SCAPER: variants seen among roughly 807,000 people sequenced by gnomAD.
SCAPER encodes the protein S-phase cyclin A associated protein in the ER.
Under a neutral mutation model 182.2 loss-of-function variants are expected in SCAPER, and 98 were observed. The ratio of observed to expected loss-of-function variants is 0.54; its 90% CI spans 0.46 to 0.64. The LOEUF (loss-of-function observed/expected upper bound fraction) is 0.64, where lower values mean the gene tolerates loss of function less well. Ranked by LOEUF, SCAPER falls within the 30% of genes least tolerant of loss-of-function variation. The pLI is 0.00. For synonymous variants in SCAPER, 605 were observed against 564.6 expected (o/e 1.07, Z -1.01); for missense variants, 1,432 against 1,690.0 (o/e 0.85, Z 2.68).
intron 11 of SCAPER, among the ~76,000 whole-genome samples, chr15:76,766,566 A>G: frequency 6.6e-6 from 1 of 151,708 alleles, no homozygotes; most frequent in Non-Finnish European, 1.5e-5. Context: ...TCGAACTCCT[A>G]TCCTTGACCA....
At chr15:76,501,536 A>T (rs2041119838) in intron 24 of SCAPER, among the ~76,000 whole-genome samples, 1 of 152,248 alleles carries the variant, frequency 6.6e-6, no homozygotes, top group South Asian at 2.1e-4. Context: ...AAGCAGTGAC[A>T]CGTAAGGTTT....
In SCAPER at chr15:76,471,218, C is replaced by T. The variant is rs762002278; in HGVS notation, c.3072G>A (p.Gln1024=). Residue 1024 remains glutamine (Q), a synonymous_variant, in exon 25 of 32, where the codon CAG becomes CAA. Transcript: ENST00000563290. ...AAGCAATAATATTACATACCGTCAA[C>T]TGGTGTATCAGGAGGTCCATTAAGA... ...ITFLMDLLIH[Q]LTVYVPDENN... is the part of the protein sequence containing the mutation. 3.5e-5 allele frequency: 56 copies of T among 1,604,900 alleles called. No individual in the cohort carries two copies. In the South Asian group the frequency reaches 5.6e-4, roughly 16 times the overall value.
At chr15:76,785,329 T>TGGCC (rs2064502542) in intron 8 of SCAPER, among the ~76,000 whole-genome samples, 6 of 152,126 alleles carry the variant, frequency 3.9e-5, no homozygotes, top group Non-Finnish European at 8.8e-5. Flanking sequence ...CCACATAAGA[T>TGGCC]ACCGTCTCAC....
chr15:76,581,635 G>A (rs2048282357), intron 22 of SCAPER, among the ~76,000 whole-genome samples: 1 of 152,210 alleles, frequency 6.6e-6, no homozygotes, highest in South Asian at 2.1e-4. Context: ...TGCCCAGGCT[G>A]GAGTGCAGTG....
intron 25 of SCAPER, among the ~76,000 whole-genome samples, chr15:76,453,467 T>A (rs2048514669): frequency 6.6e-6 from 1 of 152,238 alleles, no homozygotes; most frequent in Non-Finnish European, 1.5e-5. Context: ...TACAGGTTAT[T>A]TTGAGGTATG....
intron 4 of SCAPER, among the ~76,000 whole-genome samples, chr15:76,848,916 G>T (rs1247383394): frequency 1.3e-5 from 2 of 152,044 alleles, no homozygotes; most frequent in African/African-American, 2.4e-5. Context: ...CCCAGCCATG[G>T]CTGAGCATAC....
intron 23 of SCAPER, among the ~76,000 whole-genome samples, chr15:76,513,387 A>G (rs769210887): frequency 2.0e-5 from 3 of 152,188 alleles, no homozygotes; most frequent in Non-Finnish European, 4.4e-5. Context: ...CAATCCTGTG[A>G]TATTAGAGAT....
intron 20 of SCAPER, among the ~76,000 whole-genome samples, chr15:76,681,278 T>G (rs1336344957): frequency 2.0e-5 from 3 of 152,178 alleles, no homozygotes; most frequent in African/African-American, 7.2e-5. Context: ...TAAGAAACAT[T>G]GTAAAATAAA....
intron 22 of SCAPER, among the ~76,000 whole-genome samples, chr15:76,610,576 C>T (rs1235646058): frequency 6.6e-6 from 1 of 152,106 alleles, no homozygotes; most frequent in Admixed American, 6.5e-5. Context: ...TATACAAATT[C>T]AGTAAAGTTG....
rs934162077 is a variant in SCAPER at position 76,768,525 on chromosome 15, T to G, written c.1249-1437A>C. Among the ~76,000 whole-genome samples the G allele has an allele frequency of 3.0e-4, 46 of 152,224 alleles. 1 individual carries two copies. The highest frequency in any genetic ancestry group is 4.7e-4 in the Non-Finnish European group (32 of 67,996). ...AGAGAAAGCAGTGCAGTGGCAGGTGTGGGAGGAGTGAAAGGGAGTAACTGC... is the reference window on the plus strand; with the variant it reads ...AGAGAAAGCAGTGCAGTGGCAGGTGGGGGAGGAGTGAAAGGGAGTAACTGC... On this transcript the variant is annotated intron_variant, in intron 10 of 31. Coordinates refer to ENST00000563290, the MANE Select transcript of SCAPER (RefSeq NM_020843.4).
At chr15:76,759,026 T>C (rs940328288) in intron 14 of SCAPER, among the ~76,000 whole-genome samples, 3 of 152,162 alleles carry the variant, frequency 2.0e-5, no homozygotes, top group African/African-American at 7.2e-5. Context: ...TATCTACAAA[T>C]AGATAATTTT....
chr15:76,719,400 G>A (rs1458454514), intron 17 of SCAPER, among the ~76,000 whole-genome samples: 1 of 152,062 alleles, frequency 6.6e-6, no homozygotes. Flanking sequence ...AGAGGGAGAG[G>A]GCAGAAAAGA....
intron 16 of SCAPER, 31 bp downstream of exon 16, chr15:76,733,198 A>G: frequency 6.5e-7 from 1 of 1,547,968 alleles, no homozygotes; most frequent in Non-Finnish European, 8.7e-7. Context: ...ACAGGTGCTC[A>G]AGCAATGTTT....
chr15:76,474,890 A>T (rs903586218), intron 24 of SCAPER, among the ~76,000 whole-genome samples: 29 of 152,178 alleles, frequency 1.9e-4, no homozygotes, highest in African/African-American at 7.0e-4. Flanking sequence ...GGGAGCCAGA[A>T]GGAGACTCAT....
rs1192321602 is a variant in SCAPER, at chr15:76,597,593, CA to C, written c.2712-23310del. Among the ~76,000 whole-genome samples the C allele has an allele frequency of 1.4e-4, 17 of 120,896 alleles. 4 individuals carry two copies. In the South Asian group the frequency reaches 3.6e-3, roughly 26 times the overall value. The allele number at this position is 120,896 out of a possible 152,430, so 79.3% of individuals were successfully genotyped here. A position where few individuals can be genotyped will look rare whatever the true frequency, so the allele number is the denominator to read the frequency against. ...AACCAAAACAGCATGGTACTAGTAC[CA>C]AAACAGATATATAGACCAACAGAAC... On this transcript the variant is annotated intron_variant, in intron 22 of 31. Coordinates refer to ENST00000563290, the MANE Select transcript of SCAPER (RefSeq NM_020843.4).
chr15:76,545,247 T>A (rs1482167730), intron 23 of SCAPER, among the ~76,000 whole-genome samples: 1 of 152,186 alleles, frequency 6.6e-6, no homozygotes, highest in Non-Finnish European at 1.5e-5. Context: ...TTTAGGGTAG[T>A]TCTTGTGTTC....
At chr15:76,405,812 G>A (rs2044786373) in intron 26 of SCAPER, among the ~76,000 whole-genome samples, 1 of 152,126 alleles carries the variant, frequency 6.6e-6, no homozygotes, top group Non-Finnish European at 1.5e-5. Context: ...ATACACAAAG[G>A]AATTGAGGTT....
At chr15:76,482,167 T>C (rs11072599) in intron 24 of SCAPER, among the ~76,000 whole-genome samples, 64,958 of 152,020 alleles carry the variant, frequency 0.43, 16,634 homozygotes, top group Middle Eastern at 0.58. Flanking sequence ...AACTGTGATA[T>C]TCAAATTCTA....
intron 29 of SCAPER, among the ~76,000 whole-genome samples, chr15:76,366,539 A>G (rs1297912014): frequency 6.6e-6 from 1 of 152,182 alleles, no homozygotes; most frequent in Non-Finnish European, 1.5e-5. Flanking sequence ...TTCTGCTTTC[A>G]TCTCTCTGCT....
Sources: gnomAD v4.1 joint callset for allele counts (sites outside exome capture counted in the v4.1 genomes callset) on GRCh38, gnomAD v4.1.1 for gene constraint, MANE v1.5 for transcripts, NCBI Gene and HGNC (gene_info 2026-07-23, HGNC 2026-07-21) for gene names.